ZNF652: variants seen among roughly 807,000 people sequenced by gnomAD.
ZNF652 encodes zinc finger protein 652.
Under a neutral mutation model 45.2 loss-of-function variants are expected in ZNF652, and 16 were observed. That is an observed-to-expected ratio of 0.35 (90% CI 0.24 to 0.54). The LOEUF (loss-of-function observed/expected upper bound fraction) is 0.54, where lower values mean the gene tolerates loss of function less well. Ranked by LOEUF, ZNF652 falls within the 20% of genes least tolerant of loss-of-function variation. ZNF652 has a pLI of 0.91. For synonymous variants in ZNF652, 250 were observed against 260.6 expected (o/e 0.96, Z 0.39); for missense variants, 614 against 765.6 (o/e 0.80, Z 2.34).
At chr17:49,323,753 C>T (rs2069924070) in intron 1 of ZNF652, among the ~76,000 whole-genome samples, 1 of 152,228 alleles carries the variant, frequency 6.6e-6, no homozygotes, top group South Asian at 2.1e-4. Context: ...ACTAGGTGCA[C>T]TGTCAATGAG....
At chr17:49,360,869 T>C (rs1014791956) in intron 1 of ZNF652, among the ~76,000 whole-genome samples, 1 of 151,900 alleles carries the variant, frequency 6.6e-6, no homozygotes, top group Non-Finnish European at 1.5e-5. Context: ...TCTAATCAAC[T>C]GGGAAAAAAG....
At chr17:49,335,906 T>C (rs1305547548) in intron 1 of ZNF652, among the ~76,000 whole-genome samples, 1 of 152,214 alleles carries the variant, frequency 6.6e-6, no homozygotes, top group East Asian at 1.9e-4. Flanking sequence ...ACACCATTCC[T>C]TGGATGATTC....
intron 1 of ZNF652, among the ~76,000 whole-genome samples, chr17:49,349,341 G>GTT (rs1377744024): frequency 6.6e-6 from 1 of 152,104 alleles, no homozygotes; most frequent in Non-Finnish European, 1.5e-5. Context: ...AGAGGTTGCA[G>GTT]TGAGTCGAGA....
intron 1 of ZNF652, among the ~76,000 whole-genome samples, chr17:49,322,752 G>C (rs186695789): frequency 3.6e-3 from 542 of 152,260 alleles, no homozygotes; most frequent in Non-Finnish European, 6.4e-3. Flanking sequence ...GGGTGTGGAG[G>C]CAGGCACCTG....
intron 5 of ZNF652, among the ~76,000 whole-genome samples, chr17:49,305,472 GATA>G (rs2095761872): frequency 1.3e-5 from 2 of 152,160 alleles, no homozygotes; most frequent in African/African-American, 4.8e-5. Context: ...ATAAAATAAA[GATA>G]ATAATCTCCT....
intron 1 of ZNF652, among the ~76,000 whole-genome samples, chr17:49,341,654 T>C (rs998162066): frequency 6.6e-5 from 10 of 151,874 alleles, no homozygotes; most frequent in African/African-American, 1.7e-4. Flanking sequence ...ACAGCAAGAC[T>C]GTCTCAAAAA....
chr17:49,300,406 C>T (rs1373564338), intron 5 of ZNF652, among the ~76,000 whole-genome samples: 2 of 152,108 alleles, frequency 1.3e-5, no homozygotes, highest in African/African-American at 2.4e-5. Flanking sequence ...GTTCTTAGAG[C>T]ATTTAGAAAG....
chr17:49,355,527 A>G (rs1341535709), intron 1 of ZNF652, among the ~76,000 whole-genome samples: 3 of 152,148 alleles, frequency 2.0e-5, no homozygotes, highest in Non-Finnish European at 1.5e-5. Flanking sequence ...CAGTGAGCCA[A>G]GATGGCACCA....
At chr17:49,358,869 T>C (rs1343566388) in intron 1 of ZNF652, among the ~76,000 whole-genome samples, 3 of 152,166 alleles carry the variant, frequency 2.0e-5, no homozygotes, top group Admixed American at 6.6e-5. Flanking sequence ...AAGAAGAGTG[T>C]TGGAGAAACT....
At chr17:49,302,292 A>ATTT (rs35962100) in intron 5 of ZNF652, among the ~76,000 whole-genome samples, 1 of 138,722 alleles carries the variant, frequency 7.2e-6, no homozygotes, top group Non-Finnish European at 1.6e-5. Context: ...TAGAAATGTA[A>ATTT]TTTTTTTTTT....
At chr17:49,339,373 A>G (rs1321164248) in intron 1 of ZNF652, among the ~76,000 whole-genome samples, 1 of 142,476 alleles carries the variant, frequency 7.0e-6, no homozygotes, top group Non-Finnish European at 1.5e-5. Context: ...TTATTTCAGG[A>G]CCTATTTAAA....
At chr17:49,361,287 A>C (rs2070389792) in intron 1 of ZNF652, 1 of 152,048 alleles carries the variant, frequency 6.6e-6, no homozygotes, top group Non-Finnish European at 1.5e-5. Flanking sequence ...TTACGTGGAG[A>C]TGTAACGGGG....
intron 1 of ZNF652, among the ~76,000 whole-genome samples, chr17:49,321,985 A>C: frequency 6.6e-6 from 1 of 152,250 alleles, no homozygotes; most frequent in East Asian, 1.9e-4. Context: ...CCAGAAAGTC[A>C]GGGATTTGCA....
intron 5 of ZNF652, among the ~76,000 whole-genome samples, chr17:49,308,975 A>C (rs181153554): frequency 1.3e-5 from 2 of 152,280 alleles, no homozygotes; most frequent in Admixed American, 1.3e-4. Context: ...TGAACATTTA[A>C]GGGTCTAAAA....
At chr17:49,313,859 G>A (rs1031400207) in intron 2 of ZNF652, among the ~76,000 whole-genome samples, 1 of 150,562 alleles carries the variant, frequency 6.6e-6, no homozygotes, top group African/African-American at 2.4e-5. Flanking sequence ...TGTAATCCCA[G>A]CTACTCAGGA....
In ZNF652 at chr17:49,352,876, C is replaced by T. The variant is rs114256233; in HGVS notation, c.-259+9033G>A. On this transcript the variant is annotated intron_variant, in intron 1 of 5. Transcript: ENST00000430262. ...ATTACTATGACTAAAAGAAGCCAGT[C>T]TCTAAAGGTTACATACTATATGAGT... is the stretch of plus-strand genomic sequence containing the variant. 9.2e-3 allele frequency among the ~76,000 whole-genome samples: 1,396 copies of T among 152,280 alleles called. 22 individuals carry two copies. Among genetic ancestry groups the T allele is most frequent in the African/African-American group, 0.032 (1,322 of 41,540 alleles).
Position 49,334,779 on chromosome 17 carries a change from C to CAA in ZNF652, c.-258-16798_-258-16797dup, listed in dbSNP as rs5820756. 9.1e-3 allele frequency among the ~76,000 whole-genome samples: 1,053 copies of CAA among 115,608 alleles called. 9 individuals carry two copies. Among genetic ancestry groups the CAA allele is most frequent in the African/African-American group, 0.028 (904 of 31,802 alleles). The allele number at this position is 115,608 out of a possible 152,430, so 75.8% of individuals were successfully genotyped here. ...GGGAGACAGAGCAAGACTCGATCTC[C>CAA]AAAAAAAAAAAAAAGGGAATGTAGT... is the stretch of plus-strand genomic sequence containing the variant. On this transcript the variant is annotated intron_variant, in intron 1 of 5. Coordinates refer to ENST00000430262, the MANE Select transcript of ZNF652 (RefSeq NM_001145365.3).
intron 1 of ZNF652, among the ~76,000 whole-genome samples, chr17:49,321,810 G>A (rs753887685): frequency 2.6e-5 from 4 of 152,166 alleles, no homozygotes; most frequent in Non-Finnish European, 4.4e-5. Flanking sequence ...ATCAGCTATC[G>A]CAGAAGGTAG....
At chr17:49,331,139 T>TG (rs1555550844) in intron 1 of ZNF652, among the ~76,000 whole-genome samples, 1 of 147,584 alleles carries the variant, frequency 6.8e-6, no homozygotes, top group Non-Finnish European at 1.5e-5. Context: ...TTTTTTTTTT[T>TG]GGGACGGAGT....
Sources: allele counts gnomAD v4.1 joint callset (sites outside exome capture counted in the v4.1 genomes callset), GRCh38; gene constraint gnomAD v4.1.1; transcripts MANE v1.5; gene names NCBI Gene and HGNC (gene_info 2026-07-23, HGNC 2026-07-21).